The following AGO3 variants were observed in gnomAD, a reference collection of about 807,000 sequenced individuals.
The protein encoded by AGO3 is argonaute RISC catalytic component 3.
Under a neutral mutation model 105.5 loss-of-function variants are expected in AGO3, and 16 were observed. The ratio of observed to expected loss-of-function variants is 0.15; its 90% CI spans 0.10 to 0.23. AGO3 has a LOEUF of 0.23. Among genes scored for constraint, AGO3 ranks in the 10% least tolerant of loss-of-function variants. The probability of loss-of-function intolerance (pLI) is 1.00; values close to 1 mark genes in which losing one functional copy is unlikely to be tolerated. For synonymous variants in AGO3, 340 were observed against 367.3 expected, an observed-to-expected ratio of 0.93 and a Z score of 0.85; for missense variants, 534 against 1,088.0, an observed-to-expected ratio of 0.49 and a Z score of 7.16.
At chr1:36,034,471 G>A in intron 13 of AGO3, 138 bp downstream of exon 13, 2 of 582,512 alleles carry the variant, frequency 3.4e-6, no homozygotes, top group East Asian at 3.7e-5. Context: ...TAGACATTTT[G>A]GTAAAAAAAT....
intron 2 of AGO3, among the ~76,000 whole-genome samples, chr1:35,957,041 A>G (rs1339090829): frequency 2.6e-5 from 4 of 152,064 alleles, no homozygotes; most frequent in Non-Finnish European, 4.4e-5. Context: ...GCGCCATTAC[A>G]CATGGTTGTT....
intron 11 of AGO3, among the ~76,000 whole-genome samples, chr1:36,024,136 C>CTTTTT (rs543123565): frequency 3.9e-5 from 5 of 128,954 alleles, no homozygotes; most frequent in Non-Finnish European, 6.4e-5. Context: ...TGACTGACTC[C>CTTTTT]TTTTTTTTTT....
intron 1 of AGO3, among the ~76,000 whole-genome samples, chr1:35,940,747 A>T (rs1232491728): frequency 6.6e-6 from 1 of 152,080 alleles, no homozygotes; most frequent in Non-Finnish European, 1.5e-5. Flanking sequence ...ATCCACATCT[A>T]ATGACATTTT....
At chr1:36,054,331 G>T (rs1569962900) in intron 17 of AGO3, among the ~76,000 whole-genome samples, 1 of 152,012 alleles carries the variant, frequency 6.6e-6, no homozygotes, top group Non-Finnish European at 1.5e-5. Context: ...GGAGTGCAAT[G>T]ATGGGATCAT....
At chr1:35,966,845 TA>T (rs1464312239) in intron 2 of AGO3, 109 bp from the exon 3 acceptor site, 1 of 1,250,374 alleles carries the variant, frequency 8.0e-7, no homozygotes. Flanking sequence ...CATATATGAA[TA>T]TTTTTTAGAA....
intron 5 of AGO3, 23 bp from the exon 6 acceptor site, chr1:36,004,318 A>G: frequency 6.3e-7 from 1 of 1,588,142 alleles, no homozygotes; most frequent in Non-Finnish European, 8.6e-7. Flanking sequence ...ATTAATTTGT[A>G]TTGTTTGTGT....
intron 14 of AGO3, among the ~76,000 whole-genome samples, chr1:36,036,862 T>G (rs183046232): frequency 0.015 from 2,303 of 152,084 alleles, 50 homozygotes; most frequent in African/African-American, 0.052. Flanking sequence ...GCCCGGCTAA[T>G]TTTTTGTACT....
intron 1 of AGO3, among the ~76,000 whole-genome samples, chr1:35,942,849 C>G (rs1174226789): frequency 1.3e-5 from 2 of 152,170 alleles, no homozygotes; most frequent in Non-Finnish European, 2.9e-5. Context: ...TTTTCTATAA[C>G]TGAAACTATA....
chr1:36,020,860 A>C (rs1641183716), intron 11 of AGO3, among the ~76,000 whole-genome samples: 1 of 151,542 alleles, frequency 6.6e-6, no homozygotes, highest in Non-Finnish European at 1.5e-5. Flanking sequence ...CAAGTGGTCT[A>C]CCAACCTTGG....
chr1:36,011,742 A>T (rs1640623205), intron 9 of AGO3, among the ~76,000 whole-genome samples: 1 of 152,348 alleles, frequency 6.6e-6, no homozygotes, highest in African/African-American at 2.4e-5. Flanking sequence ...TAGAATCAGA[A>T]TATACATGGT....
chr1:36,003,488 A>C (rs1212869550), intron 5 of AGO3, among the ~76,000 whole-genome samples: 1 of 151,888 alleles, frequency 6.6e-6, no homozygotes, highest in Admixed American at 6.6e-5. Context: ...TGAGGTCAGG[A>C]GTTCAAGACC....
At chr1:35,939,605 C>A (rs929479263) in intron 1 of AGO3, among the ~76,000 whole-genome samples, 1 of 152,118 alleles carries the variant, frequency 6.6e-6, no homozygotes. Context: ...CCTAAAACTT[C>A]CCTAAAATAG....
At position 36,060,130 on chromosome 1, in the gene AGO3, T is replaced by C. The variant is rs984945822; in HGVS notation, c.*4385T>C. The stretch of plus-strand genomic sequence containing the variant: ...AATTACTGAGTGTTTTGGAAGGCAC[T>C]TGATAGAGGCATCTCTGCTTTCCAG... On this transcript the variant is annotated 3_prime_UTR_variant, in exon 19 of 19. Transcript: ENST00000373191. 6 of 152,256 alleles carry C rather than the reference T, an allele frequency of 3.9e-5. No homozygotes were observed. Among genetic ancestry groups the C allele is most frequent in the Non-Finnish European group, 8.8e-5 (6 of 68,054 alleles). 9.4% of individuals were successfully genotyped at this position (152,256 alleles called of 1,614,324 possible).
At position 36,055,508 on chromosome 1, in the gene AGO3, A is replaced by G. The variant is rs1336050218; in HGVS notation, c.2475-129A>G. 4.7e-6 allele frequency: 4 copies of G among 855,092 alleles called. No homozygotes were observed. The highest frequency in any genetic ancestry group is 7.4e-6 in the Non-Finnish European group (4 of 542,534). 53.0% of individuals were successfully genotyped at this position (855,092 alleles called of 1,614,324 possible). ...TAGTGATTGAAGCTGAGTGATGGAC[A>G]CATAGATTGTTACACCAGTCTCTTA... On this transcript the variant is annotated intron_variant, in intron 18 of 18. Coordinates refer to ENST00000373191, the MANE Select transcript of AGO3 (RefSeq NM_024852.4). The surrounding 1 kb of genome is among the most constrained non-coding windows in gnomAD (Gnocchi z 4.4).
At chr1:36,009,428 A>C in intron 8 of AGO3, 47 bp from the exon 9 acceptor site, 1 of 1,545,480 alleles carries the variant, frequency 6.5e-7, no homozygotes. Flanking sequence ...TAAGAGCTAA[A>C]AAAAAAAGAT....
intron 3 of AGO3, among the ~76,000 whole-genome samples, chr1:35,969,935 GTATAAGGCAGCTTCA>G (rs1012248491): frequency 6.6e-6 from 1 of 152,162 alleles, no homozygotes; most frequent in African/African-American, 2.4e-5. Context: ...TGGTACGCCT[GTATAAGGCAGCTTCA>G]TTATAATCTA....
intron 9 of AGO3, among the ~76,000 whole-genome samples, chr1:36,011,787 C>T (rs1395571099): frequency 6.6e-6 from 1 of 152,088 alleles, no homozygotes; most frequent in African/African-American, 2.4e-5. Flanking sequence ...CTTAGCTGTG[C>T]GGTTTTTGGC....
In AGO3 at chr1:36,056,315, ATT is replaced by A. The variant is rs1642915728; in HGVS notation, c.*573_*574del. The A allele has an allele frequency of 1.3e-5, 2 of 151,984 alleles. No homozygotes were observed. Among genetic ancestry groups the A allele is most frequent in the South Asian group, 4.1e-4 (2 of 4,824 alleles). The allele number at this position is 151,984 out of a possible 1,614,324, so 9.4% of individuals were successfully genotyped here. A position where few individuals can be genotyped will look rare whatever the true frequency, so the allele number is the denominator to read the frequency against. On this transcript the variant is annotated 3_prime_UTR_variant, in exon 19 of 19. Coordinates refer to ENST00000373191, the MANE Select transcript of AGO3 (RefSeq NM_024852.4). The stretch of plus-strand genomic sequence containing the variant: ...ATTTTAGAGTTCATTCCATTGGGGA[ATT>A]TTCTTTCCCTTTTATTCTACCCCCA...
chr1:36,033,648 A>G (rs1641882159), intron 12 of AGO3, among the ~76,000 whole-genome samples: 1 of 152,160 alleles, frequency 6.6e-6, no homozygotes, highest in Admixed American at 6.5e-5. Flanking sequence ...CTCTCAAAAA[A>G]AAAAAAAAAA....
Sources: allele counts gnomAD v4.1 joint callset (sites outside exome capture counted in the v4.1 genomes callset), GRCh38; gene constraint gnomAD v4.1.1; non-coding constraint Gnocchi (gnomAD v3.1); transcripts MANE v1.5; gene names NCBI Gene and HGNC (gene_info 2026-07-23, HGNC 2026-07-21).